The following RDX variants were observed in gnomAD, a reference collection of about 807,000 sequenced individuals.
RDX encodes the protein deafness, autosomal recessive 24.
Under a neutral mutation model 83.7 loss-of-function variants are expected in RDX, and 32 were observed. The ratio of observed to expected loss-of-function variants is 0.38; its 90% CI spans 0.29 to 0.51. RDX has a LOEUF of 0.51. RDX is among the 20% of genes least tolerant of loss of function. The probability of loss-of-function intolerance (pLI) is 0.87; values close to 1 mark genes in which losing one functional copy is unlikely to be tolerated. For missense variants in RDX, 600 were observed against 689.9 expected (o/e 0.87, Z 1.46); for synonymous variants, 229 against 222.7 (o/e 1.03, Z -0.25).
chr11:110,184,838 A>C (rs751272771), intron 15 of RDX, among the ~76,000 whole-genome samples: 1 of 152,214 alleles, frequency 6.6e-6, no homozygotes, highest in Non-Finnish European at 1.5e-5. Flanking sequence ...CTGCTGAATG[A>C]TGTCAATTAT....
intron 1 of RDX, among the ~76,000 whole-genome samples, chr11:110,294,105 C>T (rs766507504): frequency 6.6e-6 from 1 of 152,146 alleles, no homozygotes; most frequent in Admixed American, 6.5e-5. Context: ...TAATAAAATC[C>T]AATTCTGGCC....
At chr11:110,184,634 C>T (rs1591497540) in intron 15 of RDX, among the ~76,000 whole-genome samples, 1 of 152,236 alleles carries the variant, frequency 6.6e-6, no homozygotes, top group South Asian at 2.1e-4. Context: ...ACTGGCTGTA[C>T]TGGAACAGCC....
chr11:110,232,852 C>A (rs965652784), intron 13 of RDX, among the ~76,000 whole-genome samples: 5 of 152,170 alleles, frequency 3.3e-5, no homozygotes, highest in African/African-American at 1.2e-4. Context: ...TGGCCTCAGG[C>A]AGTCCACCTG....
intron 14 of RDX, among the ~76,000 whole-genome samples, chr11:110,215,019 AC>A (rs1190853640): frequency 2.9e-5 from 4 of 135,876 alleles, no homozygotes; most frequent in Non-Finnish European, 3.1e-5. Flanking sequence ...AATAAAAAAA[AC>A]ATTTAGGAGA....
chr11:110,232,912 G>C (rs1864696968), intron 13 of RDX, among the ~76,000 whole-genome samples: 1 of 152,170 alleles, frequency 6.6e-6, no homozygotes, highest in Non-Finnish European at 1.5e-5. Context: ...ACTGCGCCTG[G>C]CCCTCAATGT....
chr11:110,290,346 T>C (rs1223795740), intron 1 of RDX, among the ~76,000 whole-genome samples: 1 of 151,836 alleles, frequency 6.6e-6, no homozygotes, highest in East Asian at 1.9e-4. Context: ...TGAGACCCCG[T>C]GTCTACAAAA....
Position 110,279,635 on chromosome 11 carries a change from A to G in RDX, c.12+46T>C, listed in dbSNP as rs902580626. 9 of 1,274,916 alleles carry G rather than the reference A, an allele frequency of 7.1e-6. No individual in the cohort carries two copies. In the African/African-American group the frequency reaches 1.2e-4, roughly 17 times the overall value. The allele number at this position is 1,274,916 out of a possible 1,614,324, so 79.0% of individuals were successfully genotyped here. A position where few individuals can be genotyped will look rare whatever the true frequency, so the allele number is the denominator to read the frequency against. ...GTCTTGTTCCAAAACGAATTTAATG[A>G]TATCTTATTATTGAGACACTGTCAA... On this transcript the variant is annotated intron_variant, in intron 2 of 13. Coordinates refer to ENST00000645495, the MANE Select transcript of RDX (RefSeq NM_002906.4).
chr11:110,258,069 G>A (rs1033356156), intron 6 of RDX, 37 bp downstream of exon 6: 5 of 1,525,862 alleles, frequency 3.3e-6, no homozygotes, highest in Admixed American at 3.4e-5. Flanking sequence ...ATACTTTGAA[G>A]GAAAAAAGAA....
rs1272604397 is a variant in RDX at position 110,263,980 on chromosome 11, AT to A, written c.446del (p.Asn149MetfsTer15). ...KEIHKPGYLANDRLLPQRVLE... is the reference protein window; with the variant it reads ...KEIHKPGYLAXDRLLPQRVLE... ...CTTACCGCTGGGGTAGGAGTCTATC[AT>A]TAGCCAGGTAGCCTGGCTTATGAAT... On this transcript the variant is annotated frameshift_variant, in exon 5 of 14. Transcript: ENST00000645495. LOFTEE classifies it high-confidence loss of function. 1 of 1,613,696 alleles carries A rather than the reference AT, an allele frequency of 6.2e-7. No homozygotes were observed. Among genetic ancestry groups the A allele is most frequent in the Non-Finnish European group, 8.5e-7 (1 of 1,179,782 alleles).
Position 110,257,817 on chromosome 11 carries a change from C to T in RDX, c.648G>A (p.Leu216=), listed in dbSNP as rs780095428. The change falls in exon 7 of 14, where the codon TTG becomes TTA. Residue 216 remains leucine (L), a synonymous_variant. Coordinates refer to ENST00000645495, the MANE Select transcript of RDX (RefSeq NM_002906.4). ...GACCCAAAGCATCAACACCTAGCCA[C>T]AATTCAGTTCCTTTTTTATTTTTTA... The part of the protein sequence containing the change: ...FEIKNKKGTE[L]WLGVDALGLN... The T allele has an allele frequency of 1.2e-6, 2 of 1,612,386 alleles. No homozygotes were observed. Among genetic ancestry groups the T allele is most frequent in the Admixed American group, 3.3e-5 (2 of 60,016 alleles).
intron 1 of RDX, among the ~76,000 whole-genome samples, chr11:110,285,235 A>G (rs1860935651): frequency 6.6e-6 from 1 of 151,610 alleles, no homozygotes; most frequent in African/African-American, 2.4e-5. Flanking sequence ...AAAAATACAA[A>G]AAATTAGCTG....
At position 110,208,807 on chromosome 11, in the gene RDX, T is replaced by C. The variant is rs555686655; in HGVS notation, c.1749-9129A>G. ...CCCCTTCTCTATAAAAATACAAAAA[T>C]TACCTGGGGGTAGTGGCGGCCACCT... is the stretch of plus-strand genomic sequence containing the variant. On this transcript the variant is annotated intron_variant, in intron 14 of 15. Transcript: ENST00000528498. Among the ~76,000 whole-genome samples, 5 of 152,104 alleles carry C rather than the reference T, an allele frequency of 3.3e-5. No homozygotes were observed. The East Asian group carries it at 9.7e-4, about 29-fold the overall frequency.
chr11:110,278,902 T>C (rs1860634029), intron 2 of RDX, among the ~76,000 whole-genome samples: 1 of 149,980 alleles, frequency 6.7e-6, no homozygotes, highest in African/African-American at 2.4e-5. Context: ...GAAAAGAACA[T>C]TTACACCTTA....
chr11:110,240,303 G>C (rs989586948), intron 10 of RDX, among the ~76,000 whole-genome samples: 1 of 148,714 alleles, frequency 6.7e-6, no homozygotes, highest in African/African-American at 2.5e-5. Flanking sequence ...GACAACTATT[G>C]CATGTTTTCA....
rs1190229511 is a variant in RDX, at chr11:110,272,580, A to G, written c.52T>C (p.Phe18Leu). Residue 18 changes from phenylalanine (F) to leucine (L), a missense_variant, in exon 3 of 14, where the codon TTT (phenylalanine) becomes CTT (leucine). Coordinates refer to ENST00000645495, the MANE Select transcript of RDX (RefSeq NM_002906.4). ...CCAGTTGTATTGGGCTGAATGGCAA[A>G]TTCCAGCTCAGCATCCATTGTAGTT... is the stretch of plus-strand genomic sequence containing the variant. ...RVTTMDAELE[F>L]AIQPNTTGKQ... The G allele has an allele frequency of 6.2e-7, 1 of 1,612,518 alleles. No homozygotes were observed. Among genetic ancestry groups the G allele is most frequent in the Non-Finnish European group, 8.5e-7 (1 of 1,179,394 alleles).
chr11:110,180,116 G>A (rs1862856059), intron 15 of RDX, among the ~76,000 whole-genome samples: 1 of 151,954 alleles, frequency 6.6e-6, no homozygotes, highest in East Asian at 1.9e-4. Flanking sequence ...TGGCCAGGCT[G>A]GTCTCGAACT....
chr11:110,209,409 G>C (rs1273448860), intron 14 of RDX, among the ~76,000 whole-genome samples: 1 of 151,778 alleles, frequency 6.6e-6, no homozygotes, highest in African/African-American at 2.4e-5. Flanking sequence ...GCGAGGCTGG[G>C]GGAGGGGCGC....
At chr11:110,249,527 G>C (rs1436512959) in intron 9 of RDX, among the ~76,000 whole-genome samples, 1 of 152,146 alleles carries the variant, frequency 6.6e-6, no homozygotes, top group Admixed American at 6.5e-5. Context: ...CCTAGTGCAT[G>C]CACTAAGCTA....
At chr11:110,195,253 C>T (rs964486993) in intron 15 of RDX, among the ~76,000 whole-genome samples, 7 of 152,092 alleles carry the variant, frequency 4.6e-5, no homozygotes, top group African/African-American at 1.4e-4. Context: ...CGTGAGCCAC[C>T]GTGCCCAGCC....
Sources: allele counts gnomAD v4.1 joint callset (sites outside exome capture counted in the v4.1 genomes callset), GRCh38; gene constraint gnomAD v4.1.1; transcripts MANE v1.5; gene names NCBI Gene and HGNC (gene_info 2026-07-23, HGNC 2026-07-21).